SLC12A8: variants seen among roughly 807,000 people sequenced by gnomAD.
SLC12A8 encodes the protein cation-chloride cotransporter 9.
Under a neutral mutation model 75.6 loss-of-function variants are expected in SLC12A8, and 69 were observed. That is an observed-to-expected ratio of 0.91 (90% CI 0.75 to 1.11). The LOEUF (loss-of-function observed/expected upper bound fraction) is 1.11. Ranked by LOEUF, SLC12A8 falls within the 50% of genes most tolerant of loss-of-function variation. The pLI, the probability that SLC12A8 is intolerant of heterozygous loss-of-function variation, is 0.00. For missense variants in SLC12A8, 877 were observed against 896.7 expected (o/e 0.98, Z 0.28); for synonymous variants, 365 against 372.8 (o/e 0.98, Z 0.24).
chr3:125,164,662 T>C (rs944519888), intron 5 of SLC12A8, among the ~76,000 whole-genome samples: 1 of 152,244 alleles, frequency 6.6e-6, no homozygotes, highest in Non-Finnish European at 1.5e-5. Context: ...GCCTGAGCGC[T>C]GAGGTACTTG....
intron 5 of SLC12A8, among the ~76,000 whole-genome samples, chr3:125,170,269 G>T (rs1445096389): frequency 6.6e-6 from 1 of 152,152 alleles, no homozygotes; most frequent in African/African-American, 2.4e-5. Flanking sequence ...TTTGACCTTT[G>T]TCCTGTGAAT....
At chr3:125,088,745 C>T (rs1938520410) in intron 12 of SLC12A8, among the ~76,000 whole-genome samples, 1 of 152,196 alleles carries the variant, frequency 6.6e-6, no homozygotes, top group African/African-American at 2.4e-5. Flanking sequence ...AAATTTTCTA[C>T]TAGACCATAC....
chr3:125,190,514 A>G lies in SLC12A8; in HGVS notation c.59T>C (p.Leu20Pro). ...LFHEAAQQDALAQPQPWWKTQ... is the reference protein window; with the variant it reads ...LFHEAAQQDAPAQPQPWWKTQ... ...CTTCCACCAGGGCTGGGGCTGGGCC[A>G]GGGCATCCTGCAAACAGAACACACA... Residue 20 changes from leucine to proline, a missense_variant, in exon 3 of 14, where the codon CTG becomes CCG. Physicochemically the swap from Leu to Pro is moderately conservative, Grantham distance 98 (BLOSUM62 -3). Transcript: ENST00000469902. The G allele has an allele frequency of 6.2e-7, 1 of 1,614,004 alleles. No homozygotes were observed. The highest frequency in any genetic ancestry group is 2.2e-5 in the East Asian group (1 of 44,878).
intron 8 of SLC12A8, among the ~76,000 whole-genome samples, chr3:125,115,213 C>T (rs185286225): frequency 2.9e-4 from 44 of 152,254 alleles, no homozygotes; most frequent in African/African-American, 1.0e-3. Flanking sequence ...AGTTCCTCTG[C>T]AGTGGGGATA....
At position 125,153,698 on chromosome 3, in the gene SLC12A8, G is replaced by A. The variant is rs1257982770; in HGVS notation, c.623-17916C>T. 4.6e-5 allele frequency among the ~76,000 whole-genome samples: 7 copies of A among 152,062 alleles called. No homozygotes were observed. The South Asian group carries it at 1.5e-3, about 32-fold the overall frequency. Reference sequence around the variant, plus strand: ...GTCTCATCCAGGCTGGAGTGCAGTGGTGTGACCTTGGCTCACTGCAACCTC... The same window carrying A: ...GTCTCATCCAGGCTGGAGTGCAGTGATGTGACCTTGGCTCACTGCAACCTC... On this transcript the variant is annotated intron_variant, in intron 5 of 13. Coordinates refer to ENST00000469902, the MANE Select transcript of SLC12A8 (RefSeq NM_024628.6).
chr3:125,210,806 C>A (rs959792772), intron 2 of SLC12A8, among the ~76,000 whole-genome samples: 1 of 152,028 alleles, frequency 6.6e-6, no homozygotes, highest in Non-Finnish European at 1.5e-5. Context: ...CTGGGTAGAG[C>A]CACTTCAATT....
intron 5 of SLC12A8, among the ~76,000 whole-genome samples, chr3:125,152,940 A>G (rs1249535051): frequency 6.6e-6 from 1 of 152,046 alleles, no homozygotes; most frequent in Non-Finnish European, 1.5e-5. Flanking sequence ...ATGACTACCT[A>G]TAGGGTGGGA....
chr3:125,086,476 T>C (rs2981533), intron 13 of SLC12A8, among the ~76,000 whole-genome samples: 94,389 of 152,130 alleles, frequency 0.62, 30,618 homozygotes, highest in African/African-American at 0.81. Context: ...GGTGACCTCC[T>C]ATGGCATTTT....
chr3:125,090,522 C>G (rs1182400805), intron 12 of SLC12A8, among the ~76,000 whole-genome samples: 2 of 152,182 alleles, frequency 1.3e-5, no homozygotes, highest in African/African-American at 4.8e-5. Context: ...GTATTGAAAT[C>G]TCTGACTATG....
At chr3:125,180,656 A>G (rs1934639262) in intron 4 of SLC12A8, among the ~76,000 whole-genome samples, 1 of 152,096 alleles carries the variant, frequency 6.6e-6, no homozygotes, top group Non-Finnish European at 1.5e-5. Context: ...ACGCCACCGC[A>G]CTCCAGCCTG....
intron 5 of SLC12A8, among the ~76,000 whole-genome samples, chr3:125,166,373 G>A (rs112408075): frequency 2.6e-5 from 4 of 152,204 alleles, no homozygotes; most frequent in South Asian, 2.1e-4. Flanking sequence ...TTGAGTTGCC[G>A]TAGCAGCCTC....
chr3:125,122,740 G>A (rs1432114412), intron 6 of SLC12A8, among the ~76,000 whole-genome samples: 1 of 152,186 alleles, frequency 6.6e-6, no homozygotes, highest in African/African-American at 2.4e-5. Flanking sequence ...TGCGACAGCT[G>A]GGGAAATCCA....
chr3:125,181,784 TA>T (rs11369894), intron 4 of SLC12A8, among the ~76,000 whole-genome samples: 12 of 150,514 alleles, frequency 8.0e-5, no homozygotes, highest in East Asian at 2.0e-4. Context: ...GCTGATCTTT[TA>T]AAAAAAAATT....
chr3:125,181,384 G>A (rs1258138636), intron 4 of SLC12A8, among the ~76,000 whole-genome samples: 2 of 150,580 alleles, frequency 1.3e-5, no homozygotes, highest in African/African-American at 4.9e-5. Context: ...GGTGGATCAT[G>A]AGGTCAGGAG....
At chr3:125,097,380 C>G (rs1261497957) in intron 10 of SLC12A8, among the ~76,000 whole-genome samples, 1 of 149,362 alleles carries the variant, frequency 6.7e-6, no homozygotes, top group East Asian at 2.0e-4. Flanking sequence ...CAGAGCAAGA[C>G]TCTGTCTCAA....
intron 8 of SLC12A8, among the ~76,000 whole-genome samples, chr3:125,111,397 C>T (rs1372454292): frequency 6.6e-6 from 1 of 152,176 alleles, no homozygotes; most frequent in African/African-American, 2.4e-5. Context: ...TGACTGCTTG[C>T]CATGCACAGC....
intron 8 of SLC12A8, among the ~76,000 whole-genome samples, chr3:125,117,489 G>C (rs1222714738): frequency 5.9e-5 from 9 of 151,538 alleles, no homozygotes; most frequent in Admixed American, 5.9e-4. Context: ...CTGGCTACTT[G>C]GGAGGCTGAG....
At chr3:125,093,816 T>C (rs868207303) in intron 10 of SLC12A8, among the ~76,000 whole-genome samples, 2 of 152,336 alleles carry the variant, frequency 1.3e-5, no homozygotes, top group South Asian at 4.1e-4. Flanking sequence ...ACTGTTGCTT[T>C]ATGACCTAGC....
chr3:125,162,194 C>G (rs1182781452), intron 5 of SLC12A8, among the ~76,000 whole-genome samples: 2 of 152,252 alleles, frequency 1.3e-5, no homozygotes, highest in Non-Finnish European at 2.9e-5. Flanking sequence ...CAGAGCCTTT[C>G]TCTTGTACTT....
Sources: allele counts gnomAD v4.1 joint callset (sites outside exome capture counted in the v4.1 genomes callset), GRCh38; gene constraint gnomAD v4.1.1; transcripts MANE v1.5; gene names NCBI Gene and HGNC (gene_info 2026-07-23, HGNC 2026-07-21).